The following HYCC2 variants were observed in gnomAD, a reference collection of about 807,000 sequenced individuals.
The protein encoded by HYCC2 is hyccin 2.
At chr2:201,041,710 G>A in the HYCC2 span, among the ~76,000 whole-genome samples, 1 of 152,040 alleles carries the variant, frequency 6.6e-6, no homozygotes, top group Non-Finnish European at 1.5e-5. Flanking sequence ...GTACATTTTT[G>A]CATTGCTCAC....
chr2:201,043,934 G>T, the HYCC2 span, among the ~76,000 whole-genome samples: 1 of 152,012 alleles, frequency 6.6e-6, no homozygotes, highest in Admixed American at 6.6e-5. Context: ...TGCCCCAGCT[G>T]GTCTTGAACT....
At chr2:200,997,610 T>A in the HYCC2 span, 1 of 915,584 alleles carries the variant, frequency 1.1e-6, no homozygotes, top group South Asian at 1.4e-5. Flanking sequence ...GTTATGACAA[T>A]GCCTTAATAT....
chr2:201,002,529 C>CTT, the HYCC2 span, among the ~76,000 whole-genome samples: 4 of 142,378 alleles, frequency 2.8e-5, no homozygotes, highest in African/African-American at 5.1e-5. Flanking sequence ...AGCAGAGATT[C>CTT]TTTTTTTTTT....
chr2:200,981,718 C>T, the HYCC2 span: 112 of 1,614,002 alleles, frequency 6.9e-5, no homozygotes, highest in East Asian at 1.8e-4. This position sits in a 1 kb window ranked among gnomAD's most constrained non-coding sequence, Gnocchi z 4.5. Context: ...CTTGGCTGAA[C>T]GCCCAGTTGC....
At chr2:201,014,897 T>C in the HYCC2 span, among the ~76,000 whole-genome samples, 338 of 152,188 alleles carry the variant, frequency 2.2e-3, 2 homozygotes, top group Non-Finnish European at 4.1e-3. Context: ...GAGAAAAAAA[T>C]AGAATAATAA....
the HYCC2 span, chr2:201,063,088 C>T: frequency 1.9e-6 from 3 of 1,609,186 alleles, no homozygotes; most frequent in African/African-American, 1.3e-5. Context: ...ACCCTGCCGT[C>T]ATGTCTAAGT....
chr2:201,013,884 T>C, the HYCC2 span, among the ~76,000 whole-genome samples: 3 of 152,266 alleles, frequency 2.0e-5, no homozygotes, highest in South Asian at 4.1e-4. Context: ...CAACTCCCCC[T>C]GGGGCTATTT....
the HYCC2 span, chr2:200,992,742 TA>T: frequency 1.6e-6 from 1 of 618,024 alleles, no homozygotes; most frequent in Non-Finnish European, 2.8e-6. Context: ...TTAAAAGTAC[TA>T]AAAGGAAACC....
At chr2:201,038,558 C>T in the HYCC2 span, among the ~76,000 whole-genome samples, 1 of 152,116 alleles carries the variant, frequency 6.6e-6, no homozygotes, top group Non-Finnish European at 1.5e-5. Context: ...GAATACTATG[C>T]AGCCATAAAA....
chr2:201,034,025 T>G, the HYCC2 span, among the ~76,000 whole-genome samples: 3 of 151,800 alleles, frequency 2.0e-5, no homozygotes, highest in Admixed American at 6.6e-5. Context: ...TATTTTAAAT[T>G]CCTATTTGAT....
chr2:201,017,216 G>GT, the HYCC2 span: 1 of 1,425,222 alleles, frequency 7.0e-7, no homozygotes, highest in Middle Eastern at 1.8e-4. Context: ...TCTTTTGGTT[G>GT]TAACTGTTGT....
chr2:201,038,353 G>A, the HYCC2 span, among the ~76,000 whole-genome samples: 1 of 152,120 alleles, frequency 6.6e-6, no homozygotes, highest in Non-Finnish European at 1.5e-5. Context: ...CAGGGATCTA[G>A]AACTAGAAAT....
the HYCC2 span, among the ~76,000 whole-genome samples, chr2:201,033,361 T>C: frequency 6.6e-6 from 1 of 151,224 alleles, no homozygotes; most frequent in East Asian, 1.9e-4. Flanking sequence ...TGTGCCACCA[T>C]GCTTGGCTAA....
At chr2:201,008,800 AGG>A in the HYCC2 span, among the ~76,000 whole-genome samples, 1 of 152,162 alleles carries the variant, frequency 6.6e-6, no homozygotes, top group Non-Finnish European at 1.5e-5. Context: ...TGGAAAGCTG[AGG>A]TGGGAAGATC....
At chr2:201,006,105 T>C in the HYCC2 span, among the ~76,000 whole-genome samples, 1 of 150,492 alleles carries the variant, frequency 6.6e-6, no homozygotes, top group African/African-American at 2.5e-5. Flanking sequence ...GTGCTGAGAT[T>C]ACAGGCGTGA....
chr2:200,987,601 G>C, the HYCC2 span: 945 of 1,193,498 alleles, frequency 7.9e-4, 2 homozygotes, highest in Non-Finnish European at 8.6e-4. Context: ...TTTTGACCCA[G>C]GCAGATAAGA....
chr2:201,005,766 G>C, the HYCC2 span, among the ~76,000 whole-genome samples: 2 of 152,098 alleles, frequency 1.3e-5, no homozygotes, highest in African/African-American at 2.4e-5. Flanking sequence ...AGAAAAGTCG[G>C]AGTACAAATG....
the HYCC2 span, chr2:200,987,438 C>T: frequency 6.2e-6 from 8 of 1,289,726 alleles, no homozygotes; most frequent in Non-Finnish European, 8.1e-6. Context: ...GCACCTCCCC[C>T]TCTTGCACAC....
the HYCC2 span, chr2:201,063,708 G>A: frequency 1.9e-6 from 3 of 1,578,532 alleles, no homozygotes; most frequent in South Asian, 1.1e-5. Flanking sequence ...GGTGGTCGTG[G>A]AGGTGGTTTC....
Sources: allele counts gnomAD v4.1 joint callset (sites outside exome capture counted in the v4.1 genomes callset), GRCh38; gene constraint gnomAD v4.1.1; non-coding constraint Gnocchi (gnomAD v3.1); transcripts MANE v1.5; gene names NCBI Gene and HGNC (gene_info 2026-07-23, HGNC 2026-07-21).